The following SEL1L2 variants were observed in gnomAD, a reference collection of about 807,000 sequenced individuals.
The protein encoded by SEL1L2 is protein sel-1 homolog 2.
In SEL1L2, 89 loss-of-function variants were observed where a neutral mutation model predicts 98.8. That is an observed-to-expected ratio of 0.90 (90% CI 0.76 to 1.07). The LOEUF (loss-of-function observed/expected upper bound fraction) is 1.07, where lower values mean the gene tolerates loss of function less well. Ranked by LOEUF, SEL1L2 falls within the 50% of genes least tolerant of loss-of-function variation. The pLI, the probability that SEL1L2 is intolerant of heterozygous loss-of-function variation, is 0.00. For missense variants in SEL1L2, 788 were observed against 812.0 expected, an observed-to-expected ratio of 0.97 and a Z score of 0.36; for synonymous variants, 262 against 278.5, an observed-to-expected ratio of 0.94 and a Z score of 0.59.
At chr20:13,864,912 G>T (rs1021477425) in intron 17 of SEL1L2, among the ~76,000 whole-genome samples, 1 of 152,150 alleles carries the variant, frequency 6.6e-6, no homozygotes, top group African/African-American at 2.4e-5. Context: ...AACTGTTCTG[G>T]TGTCACGGAG....
intron 3 of SEL1L2, among the ~76,000 whole-genome samples, chr20:13,924,653 G>A (rs2048804378): frequency 6.6e-6 from 1 of 151,818 alleles, no homozygotes; most frequent in African/African-American, 2.4e-5. Flanking sequence ...TCTAATCCTT[G>A]GACTTAAGTG....
intron 5 of SEL1L2, among the ~76,000 whole-genome samples, chr20:13,894,130 G>A (rs1600650397): frequency 6.6e-6 from 1 of 151,906 alleles, no homozygotes; most frequent in East Asian, 1.9e-4. Flanking sequence ...ATACCTCAAA[G>A]AACTAAAAAA....
intron 4 of SEL1L2, chr20:13,915,266 T>C: frequency 7.8e-7 from 1 of 1,285,234 alleles, no homozygotes; most frequent in Non-Finnish European, 1.0e-6. Context: ...ACAGGGTGAG[T>C]ACTCCAGTGG....
At chr20:13,965,421 T>C (rs2050997885) in intron 1 of SEL1L2, among the ~76,000 whole-genome samples, 1 of 152,070 alleles carries the variant, frequency 6.6e-6, no homozygotes, top group South Asian at 2.1e-4. Flanking sequence ...AGAAGAGAGA[T>C]GATTTGCACT....
intron 1 of SEL1L2, among the ~76,000 whole-genome samples, chr20:13,982,548 C>A (rs573289858): frequency 1.9e-4 from 24 of 127,834 alleles, no homozygotes; most frequent in Admixed American, 7.8e-5. Context: ...GAGACAGTAG[C>A]AAGTTCTATC....
chr20:13,941,316 C>T lies in SEL1L2; in HGVS notation c.115-9545G>A, dbSNP rs375792655. 4.6e-5 allele frequency among the ~76,000 whole-genome samples: 7 copies of T among 152,334 alleles called. No individual in the cohort carries two copies. In the East Asian group the frequency reaches 7.7e-4, roughly 17 times the overall value. Reference sequence around the variant, plus strand: ...ATTTCACAAGAATGTTTTGATATCACTTCCCCTCATTACTCTTAAAAATCC... The same window carrying T: ...ATTTCACAAGAATGTTTTGATATCATTTCCCCTCATTACTCTTAAAAATCC... On this transcript the variant is annotated intron_variant, in intron 2 of 19. Transcript: ENST00000284951.
chr20:13,876,894 G>A, intron 11 of SEL1L2, among the ~76,000 whole-genome samples: 1 of 152,038 alleles, frequency 6.6e-6, no homozygotes, highest in Non-Finnish European at 1.5e-5. Flanking sequence ...CGTGATCTCA[G>A]CTCACTGCAC....
In SEL1L2 at chr20:13,879,965, ACCTCAT is replaced by A. The variant is rs1292173648; in HGVS notation, c.958-2383_958-2378del. Among the ~76,000 whole-genome samples, 8 of 152,226 alleles carry A rather than the reference ACCTCAT, an allele frequency of 5.3e-5. No homozygotes were observed. The East Asian group carries it at 1.5e-3, about 29-fold the overall frequency. Reference sequence around the variant, plus strand: ...TTCTCCTCCTCTGTGATCTCACGGCACCTCATCCTGTCCGTATTGTGGCATTCATCC... The same window carrying A: ...TTCTCCTCCTCTGTGATCTCACGGCACCTGTCCGTATTGTGGCATTCATCC... On this transcript the variant is annotated intron_variant, in intron 10 of 19. Coordinates refer to ENST00000284951, the MANE Select transcript of SEL1L2 (RefSeq NM_025229.2).
chr20:13,865,673 T>TA (rs1234393897), intron 15 of SEL1L2, among the ~76,000 whole-genome samples, 159 bp from the exon 16 acceptor site: 1 of 152,224 alleles, frequency 6.6e-6, no homozygotes, highest in African/African-American at 2.4e-5. Context: ...AAAGAGTTAA[T>TA]ACCTTTTATA....
chr20:13,918,475 G>T (rs2048506784), intron 4 of SEL1L2, among the ~76,000 whole-genome samples: 1 of 152,150 alleles, frequency 6.6e-6, no homozygotes, highest in Non-Finnish European at 1.5e-5. Flanking sequence ...TGTGGCCACA[G>T]CTTGGTCACC....
intron 19 of SEL1L2, 86 bp from the exon 20 acceptor site, chr20:13,849,690 C>T: frequency 1.3e-6 from 2 of 1,489,454 alleles, no homozygotes; most frequent in South Asian, 1.3e-5. Context: ...CCCACCACCA[C>T]CAACCCTCCT....
intron 3 of SEL1L2, among the ~76,000 whole-genome samples, chr20:13,921,626 G>A (rs2148248292): frequency 6.6e-6 from 1 of 152,256 alleles, no homozygotes; most frequent in South Asian, 2.1e-4. Flanking sequence ...TTTCAATAAT[G>A]TCAGGTAAAT....
chr20:13,941,241 C>T lies in SEL1L2; in HGVS notation c.115-9470G>A, dbSNP rs1011824078. ...GTTGATGGCCCCTGCAGAAGGTCAC[C>T]GGCATTGACCTAGAAAGCAATGAGT... On this transcript the variant is annotated intron_variant, in intron 2 of 19. Coordinates refer to ENST00000284951, the MANE Select transcript of SEL1L2 (RefSeq NM_025229.2). 4.6e-5 allele frequency among the ~76,000 whole-genome samples: 7 copies of T among 152,264 alleles called. No individual in the cohort carries two copies. The South Asian group carries it at 6.2e-4, about 14-fold the overall frequency.
At chr20:13,970,061 C>T (rs974908489) in intron 1 of SEL1L2, among the ~76,000 whole-genome samples, 1 of 151,430 alleles carries the variant, frequency 6.6e-6, no homozygotes, top group Non-Finnish European at 1.5e-5. Flanking sequence ...CTCTAGCACC[C>T]TGCACAGTTT....
At chr20:13,874,722 C>T (rs951572188) in intron 12 of SEL1L2, among the ~76,000 whole-genome samples, 2 of 152,182 alleles carry the variant, frequency 1.3e-5, no homozygotes, top group African/African-American at 2.4e-5. Flanking sequence ...CAGTAATTTA[C>T]ACCACAATAG....
chr20:13,921,418 C>T (rs1187994789), intron 3 of SEL1L2, among the ~76,000 whole-genome samples: 1 of 152,162 alleles, frequency 6.6e-6, no homozygotes, highest in African/African-American at 2.4e-5. Flanking sequence ...GTGATCTGCC[C>T]ACCTTGGCTT....
At position 13,931,759 on chromosome 20, in the gene SEL1L2, C is replaced by A; in HGVS notation, c.127G>T (p.Glu43Ter). ...ATGTGTGATAAATATTGTTTGATTT[C>A]GTTCACTGATACCTACAAAGAAAAA... ...RNVTTQVSVN[E>*]IKQYLSHILE... Residue 43 changes from glutamate to a stop codon, truncating the protein, a stop_gained, in exon 3 of 20, where the codon GAA (glutamate) becomes TAA (stop). Coordinates refer to ENST00000284951, the MANE Select transcript of SEL1L2 (RefSeq NM_025229.2). LOFTEE classifies it high-confidence loss of function. The A allele has an allele frequency of 5.2e-6, 8 of 1,525,766 alleles. No homozygotes were observed. The highest frequency in any genetic ancestry group is 7.0e-6 in the Non-Finnish European group (8 of 1,141,192). The allele number at this position is 1,525,766 out of a possible 1,614,324, so 94.5% of individuals were successfully genotyped here. A position where few individuals can be genotyped will look rare whatever the true frequency, so the allele number is the denominator to read the frequency against.
At position 13,912,486 on chromosome 20, in the gene SEL1L2, G is replaced by A. The variant is rs149971853; in HGVS notation, c.549+1296C>T. Among the ~76,000 whole-genome samples the A allele has an allele frequency of 5.5e-3, 838 of 151,974 alleles. 7 individuals are homozygous for A. Among genetic ancestry groups the A allele is most frequent in the African/African-American group, 0.019 (779 of 41,454 alleles). ...TAATTTTTGTATTTTTAGTAGAGAC[G>A]GGGTTTCACCATGTTGCCCAAGTTG... On this transcript the variant is annotated intron_variant, in intron 5 of 19. Transcript: ENST00000284951.
chr20:13,976,719 T>A (rs1368336392), intron 1 of SEL1L2, among the ~76,000 whole-genome samples: 1 of 152,134 alleles, frequency 6.6e-6, no homozygotes. Context: ...TGTATGTGGA[T>A]AAGAGAAAAG....
Sources: gnomAD v4.1 joint callset for allele counts (sites outside exome capture counted in the v4.1 genomes callset) on GRCh38, gnomAD v4.1.1 for gene constraint, MANE v1.5 for transcripts, NCBI Gene and HGNC (gene_info 2026-07-23, HGNC 2026-07-21) for gene names.